THSD7B: variants seen among roughly 807,000 people sequenced by gnomAD.
The protein encoded by THSD7B is thrombospondin type-1 domain-containing protein 7B.
Under a neutral mutation model 213.6 loss-of-function variants are expected in THSD7B, and 138 were observed. The ratio of observed to expected loss-of-function variants is 0.65; its 90% CI spans 0.56 to 0.74. THSD7B has a LOEUF of 0.74. THSD7B is among the 30% of genes least tolerant of loss of function. The pLI is 0.00. For synonymous variants in THSD7B, 742 were observed against 687.0 expected, an observed-to-expected ratio of 1.08 and a Z score of -1.25; for missense variants, 1,931 against 1,991.5, an observed-to-expected ratio of 0.97 and a Z score of 0.58.
At chr2:137,510,169 C>T (rs912195257) in intron 15 of THSD7B, among the ~76,000 whole-genome samples, 1 of 151,954 alleles carries the variant, frequency 6.6e-6, no homozygotes, top group Admixed American at 6.6e-5. Context: ...TACTTATTTT[C>T]TATTTCCGTC....
intron 2 of THSD7B, among the ~76,000 whole-genome samples, chr2:136,980,887 G>A (rs1685565252): frequency 6.6e-6 from 1 of 152,188 alleles, no homozygotes; most frequent in African/African-American, 2.4e-5. Flanking sequence ...GCTCCATGTG[G>A]CTCCTGGGTG....
chr2:137,545,472 A>G (rs1382238197), intron 15 of THSD7B, among the ~76,000 whole-genome samples: 7 of 151,834 alleles, frequency 4.6e-5, no homozygotes, highest in Admixed American at 4.6e-4. Flanking sequence ...TTCACCCATC[A>G]TTGAAATGAA....
At chr2:136,893,751 C>A (rs1683904508) in intron 2 of THSD7B, among the ~76,000 whole-genome samples, 1 of 152,120 alleles carries the variant, frequency 6.6e-6, no homozygotes, top group Non-Finnish European at 1.5e-5. Context: ...CACTAAAGTT[C>A]CCAACACTAT....
intron 2 of THSD7B, among the ~76,000 whole-genome samples, chr2:136,971,504 TA>T (rs1220897968): frequency 6.6e-6 from 1 of 151,644 alleles, no homozygotes; most frequent in African/African-American, 2.4e-5. Flanking sequence ...TCTAAGCAAA[TA>T]AAAAAGCATG....
In THSD7B at chr2:137,053,887, G is replaced by A. The variant is rs78894086; in HGVS notation, c.140-2533G>A. ...TTTATATTATTCAAGATTAATTTTA[G>A]ATTTTAAAGTTTGCTGTGTTTGTAT... is the stretch of plus-strand genomic sequence containing the variant. On this transcript the variant is annotated intron_variant, in intron 2 of 27. Coordinates refer to ENST00000409968, the MANE Select transcript of THSD7B (RefSeq NM_001316349.2). Among the ~76,000 whole-genome samples the A allele has an allele frequency of 3.4e-3, 525 of 152,180 alleles. 8 individuals carry two copies. The East Asian group carries it at 0.043, about 12-fold the overall frequency.
At chr2:137,294,895 G>T (rs901587683) in intron 12 of THSD7B, among the ~76,000 whole-genome samples, 1 of 152,032 alleles carries the variant, frequency 6.6e-6, no homozygotes. Flanking sequence ...TCAATGCCTT[G>T]ATGCTTATCT....
At chr2:137,589,261 A>G (rs1037678860) in intron 17 of THSD7B, among the ~76,000 whole-genome samples, 5 of 152,188 alleles carry the variant, frequency 3.3e-5, no homozygotes, top group African/African-American at 1.2e-4. Context: ...GTTTTTATTT[A>G]ATCCATATTC....
At chr2:136,883,248 G>T (rs566117095) in intron 2 of THSD7B, among the ~76,000 whole-genome samples, 28 of 151,568 alleles carry the variant, frequency 1.8e-4, no homozygotes, top group Non-Finnish European at 3.7e-4. Flanking sequence ...CAAATATATT[G>T]TGTCACCATG....
intron 2 of THSD7B, among the ~76,000 whole-genome samples, chr2:136,912,919 G>A (rs971172909): frequency 1.3e-5 from 2 of 152,178 alleles, no homozygotes; most frequent in African/African-American, 2.4e-5. Context: ...GTAGAGTGGG[G>A]CGTTGCTGAA....
chr2:137,282,465 A>G (rs1384674901), intron 12 of THSD7B, among the ~76,000 whole-genome samples: 1 of 152,216 alleles, frequency 6.6e-6, no homozygotes, highest in African/African-American at 2.4e-5. Context: ...TGTTTTAGAC[A>G]TGAAGTCCTT....
At chr2:137,020,816 C>A (rs939288497) in intron 2 of THSD7B, among the ~76,000 whole-genome samples, 10 of 152,142 alleles carry the variant, frequency 6.6e-5, no homozygotes, top group African/African-American at 2.4e-4. Flanking sequence ...GCCACCACTG[C>A]TCATTATCAT....
intron 2 of THSD7B, among the ~76,000 whole-genome samples, chr2:137,006,337 G>T (rs1457421834): frequency 6.6e-6 from 1 of 152,178 alleles, no homozygotes; most frequent in Non-Finnish European, 1.5e-5. Context: ...GGAGCTTGCA[G>T]TGAGCCGAGA....
chr2:136,779,319 C>T (rs1374881405), intron 1 of THSD7B, among the ~76,000 whole-genome samples: 1 of 151,240 alleles, frequency 6.6e-6, no homozygotes, highest in African/African-American at 2.4e-5. Context: ...GGAAATATGT[C>T]CAATTTATGA....
At chr2:137,188,551 A>G (rs1558951717) in intron 7 of THSD7B, among the ~76,000 whole-genome samples, 1 of 152,216 alleles carries the variant, frequency 6.6e-6, no homozygotes. Flanking sequence ...ACACATTACC[A>G]TAGAAAGGGC....
chr2:137,007,293 A>T (rs1686133762), intron 2 of THSD7B, among the ~76,000 whole-genome samples: 1 of 152,140 alleles, frequency 6.6e-6, no homozygotes, highest in Non-Finnish European at 1.5e-5. Flanking sequence ...GGGCAGCTTA[A>T]ATTATGCCTG....
chr2:137,254,586 G>C (rs1044322719), intron 10 of THSD7B, among the ~76,000 whole-genome samples: 1 of 152,254 alleles, frequency 6.6e-6, no homozygotes, highest in East Asian at 1.9e-4. Flanking sequence ...CAGACTTCTG[G>C]TGGACTCCTG....
intron 2 of THSD7B, among the ~76,000 whole-genome samples, chr2:137,031,100 T>C (rs567554382): frequency 6.6e-6 from 1 of 152,268 alleles, no homozygotes; most frequent in East Asian, 1.9e-4. Context: ...TCCCAGAATT[T>C]TGGGAGGCCA....
intron 6 of THSD7B, among the ~76,000 whole-genome samples, chr2:137,161,093 G>A (rs1234029613): frequency 1.3e-5 from 2 of 152,028 alleles, no homozygotes; most frequent in African/African-American, 2.4e-5. Context: ...ATATTGTTTA[G>A]TTTCTGATAT....
intron 13 of THSD7B, among the ~76,000 whole-genome samples, chr2:137,408,320 C>T (rs1216528657): frequency 6.6e-6 from 1 of 151,572 alleles, no homozygotes; most frequent in African/African-American, 2.4e-5. Flanking sequence ...TTTCTCCTTC[C>T]CCCTTCTCCT....
Sources: gnomAD v4.1 joint callset for allele counts (sites outside exome capture counted in the v4.1 genomes callset) on GRCh38, gnomAD v4.1.1 for gene constraint, MANE v1.5 for transcripts, NCBI Gene and HGNC (gene_info 2026-07-23, HGNC 2026-07-21) for gene names.